CCDC192: variants seen among roughly 807,000 people sequenced by gnomAD.
CCDC192 encodes the protein coiled-coil domain containing 192, also known as coiled-coil domain-containing protein 192.
At chr5:127,739,220 G>T (rs1380515760) in intron 2 of CCDC192, among the ~76,000 whole-genome samples, 3 of 152,136 alleles carry the variant, frequency 2.0e-5, no homozygotes, top group Non-Finnish European at 4.4e-5. Flanking sequence ...CTGCTGGGGG[G>T]TGCCTCCCAG....
At chr5:127,904,692 G>A (rs1753149759) in intron 6 of CCDC192, among the ~76,000 whole-genome samples, 1 of 151,892 alleles carries the variant, frequency 6.6e-6, no homozygotes, top group African/African-American at 2.4e-5. Context: ...AGTAGAGAAG[G>A]GGTATCACTA....
At chr5:127,791,967 T>A (rs1756888420) in intron 3 of CCDC192, among the ~76,000 whole-genome samples, 1 of 152,116 alleles carries the variant, frequency 6.6e-6, no homozygotes, top group Admixed American at 6.5e-5. Flanking sequence ...ATCAGGAGAA[T>A]GATGTATGAG....
At chr5:127,883,372 A>G (rs1178577176) in intron 6 of CCDC192, among the ~76,000 whole-genome samples, 8 of 152,240 alleles carry the variant, frequency 5.3e-5, no homozygotes, top group Non-Finnish European at 2.9e-5. Context: ...AAAATAAGAG[A>G]GCATAGGAGT....
At chr5:127,901,360 T>C (rs765060005) in intron 6 of CCDC192, among the ~76,000 whole-genome samples, 19 of 152,172 alleles carry the variant, frequency 1.2e-4, no homozygotes, top group Non-Finnish European at 1.6e-4. Context: ...AAGTAATCAT[T>C]AGGCAGTTAT....
chr5:127,797,744 TA>T (rs1757241117), intron 4 of CCDC192, among the ~76,000 whole-genome samples: 2 of 9,484 alleles, frequency 2.1e-4, no homozygotes, highest in Admixed American at 2.5e-3. Flanking sequence ...TATATATATA[TA>T]TATATATATA....
chr5:127,884,002 C>T (rs1752458182), intron 6 of CCDC192, among the ~76,000 whole-genome samples: 1 of 152,132 alleles, frequency 6.6e-6, no homozygotes, highest in Non-Finnish European at 1.5e-5. Flanking sequence ...GGTCCCTTGG[C>T]TGTCCAGGCT....
chr5:127,728,736 A>G (rs569750096), intron 2 of CCDC192, among the ~76,000 whole-genome samples: 3 of 152,352 alleles, frequency 2.0e-5, no homozygotes, highest in African/African-American at 7.2e-5. Context: ...GCCCCAATTA[A>G]AAGACACAGA....
chr5:127,881,680 G>A (rs57017299), intron 6 of CCDC192, among the ~76,000 whole-genome samples: 68 of 152,336 alleles, frequency 4.5e-4, no homozygotes, highest in African/African-American at 1.6e-3. Flanking sequence ...TCGATGGAAA[G>A]TTCAGCTGAA....
intron 6 of CCDC192, among the ~76,000 whole-genome samples, chr5:127,886,941 C>G (rs1379675955): frequency 6.6e-6 from 1 of 152,098 alleles, no homozygotes; most frequent in Non-Finnish European, 1.5e-5. Context: ...GAATTGTTAC[C>G]AGTCTTCAAA....
chr5:127,791,255 G>C (rs1756850862), intron 3 of CCDC192, among the ~76,000 whole-genome samples: 1 of 152,098 alleles, frequency 6.6e-6, no homozygotes, highest in Non-Finnish European at 1.5e-5. Flanking sequence ...TTACTCCAAT[G>C]TCCAATAAAA....
At chr5:127,909,735 A>G (rs1753294486) in intron 6 of CCDC192, among the ~76,000 whole-genome samples, 1 of 152,218 alleles carries the variant, frequency 6.6e-6, no homozygotes, top group Non-Finnish European at 1.5e-5. Context: ...TGCTAAGACA[A>G]TGATGCACTG....
chr5:127,815,595 A>G (rs576740191), intron 5 of CCDC192, among the ~76,000 whole-genome samples: 57 of 152,220 alleles, frequency 3.7e-4, no homozygotes, highest in Non-Finnish European at 7.5e-4. Context: ...TGGGCTGGCT[A>G]TGGCGGCTCA....
At chr5:127,879,004 G>C (rs12332194) in intron 6 of CCDC192, among the ~76,000 whole-genome samples, 3 of 146,548 alleles carry the variant, frequency 2.0e-5, no homozygotes, top group Non-Finnish European at 4.5e-5. Flanking sequence ...TTGGCTCTCT[G>C]TTTGTCTGTT....
intron 5 of CCDC192, among the ~76,000 whole-genome samples, chr5:127,811,934 A>G (rs192286330): frequency 1.4e-4 from 22 of 152,286 alleles, no homozygotes; most frequent in Admixed American, 1.3e-3. Flanking sequence ...TATTTAAGAA[A>G]TTCTTGAGTA....
At chr5:127,822,506 AT>A (rs1749338930) in intron 5 of CCDC192, among the ~76,000 whole-genome samples, 1 of 152,224 alleles carries the variant, frequency 6.6e-6, no homozygotes, top group East Asian at 1.9e-4. Context: ...TATATGAAAT[AT>A]CAGATGGTTA....
intron 3 of CCDC192, chr5:127,784,948 G>T (rs938407194): frequency 2.6e-5 from 12 of 470,374 alleles, no homozygotes; most frequent in Non-Finnish European, 4.6e-5. Context: ...TAAGGTATCT[G>T]TCTTCAATTC....
intron 5 of CCDC192, among the ~76,000 whole-genome samples, chr5:127,849,913 T>G (rs1342719833): frequency 6.6e-6 from 1 of 152,202 alleles, no homozygotes; most frequent in East Asian, 1.9e-4. Flanking sequence ...TCAATTGCAT[T>G]TATTATACCT....
intron 6 of CCDC192, among the ~76,000 whole-genome samples, chr5:127,921,074 G>A (rs1753699448): frequency 9.7e-6 from 1 of 103,170 alleles, no homozygotes; most frequent in Non-Finnish European, 1.8e-5. Context: ...AAGCAGGAAA[G>A]GAGGAAAGGA....
At chr5:127,920,703 G>A (rs1009213928) in intron 6 of CCDC192, among the ~76,000 whole-genome samples, 1 of 152,038 alleles carries the variant, frequency 6.6e-6, no homozygotes, top group East Asian at 1.9e-4. Flanking sequence ...GAGCCACCGC[G>A]CCCGGCTGCT....
Sources: allele counts gnomAD v4.1 joint callset (sites outside exome capture counted in the v4.1 genomes callset), GRCh38; gene constraint gnomAD v4.1.1; transcripts MANE v1.5; gene names NCBI Gene and HGNC (gene_info 2026-07-23, HGNC 2026-07-21).